The following ADAMTSL1 variants were observed in gnomAD, a reference collection of about 807,000 sequenced individuals.
The protein encoded by ADAMTSL1 is ADAMTS-like protein 1.
Under a neutral mutation model 201.8 loss-of-function variants are expected in ADAMTSL1, and 126 were observed. The ratio of observed to expected loss-of-function variants is 0.62; its 90% CI spans 0.54 to 0.72. ADAMTSL1 has a LOEUF of 0.72. Among genes scored for constraint, ADAMTSL1 ranks in the 30% least tolerant of loss-of-function variants. The pLI is 0.00. For synonymous variants in ADAMTSL1, 1,121 were observed against 903.4 expected, an observed-to-expected ratio of 1.24 and a Z score of -4.32; for missense variants, 2,679 against 2,277.8, an observed-to-expected ratio of 1.18 and a Z score of -3.59.
intron 3 of ADAMTSL1, among the ~76,000 whole-genome samples, chr9:18,550,703 C>G (rs887376859): frequency 6.6e-6 from 1 of 151,910 alleles, no homozygotes; most frequent in African/African-American, 2.4e-5. Flanking sequence ...GGTGTCTGTA[C>G]ACAGAATCAT....
chr9:18,043,068 A>C (rs1821498331), intron 1 of ADAMTSL1, among the ~76,000 whole-genome samples: 1 of 152,178 alleles, frequency 6.6e-6, no homozygotes, highest in South Asian at 2.1e-4. Context: ...ACACGCTAGA[A>C]AACTAAGAGG....
At chr9:18,574,989 A>C (rs988617996) in intron 4 of ADAMTSL1, among the ~76,000 whole-genome samples, 3 of 152,088 alleles carry the variant, frequency 2.0e-5, no homozygotes, top group Non-Finnish European at 4.4e-5. Context: ...AGCAGTTGCT[A>C]TTGTTTTTCT....
intron 2 of ADAMTSL1, among the ~76,000 whole-genome samples, chr9:18,169,960 T>C (rs953084510): frequency 5.9e-5 from 9 of 152,084 alleles, no homozygotes; most frequent in Non-Finnish European, 1.3e-4. Flanking sequence ...ACCAAAATTC[T>C]ACCTTGGGCA....
At chr9:18,597,086 G>T (rs1824313553) in intron 4 of ADAMTSL1, among the ~76,000 whole-genome samples, 1 of 152,076 alleles carries the variant, frequency 6.6e-6, no homozygotes, top group Admixed American at 6.5e-5. Context: ...ATATTATGTT[G>T]CTCAATATGA....
intron 1 of ADAMTSL1, among the ~76,000 whole-genome samples, chr9:18,007,445 A>G (rs1165079498): frequency 3.9e-5 from 6 of 152,038 alleles, no homozygotes; most frequent in Non-Finnish European, 7.4e-5. Flanking sequence ...CTACATAGTA[A>G]AAAGCAAAAA....
At chr9:18,291,573 T>C (rs539416197) in intron 2 of ADAMTSL1, among the ~76,000 whole-genome samples, 1 of 152,212 alleles carries the variant, frequency 6.6e-6, no homozygotes, top group South Asian at 2.1e-4. Context: ...TTATGTAGAC[T>C]CCCTTTGTCT....
At chr9:17,912,956 T>C (rs951735857) in intron 1 of ADAMTSL1, among the ~76,000 whole-genome samples, 1 of 152,196 alleles carries the variant, frequency 6.6e-6, no homozygotes, top group African/African-American at 2.4e-5. Context: ...CTTTCCCCAT[T>C]GCTTGTTTTT....
intron 2 of ADAMTSL1, among the ~76,000 whole-genome samples, chr9:18,388,238 G>C (rs1223537683): frequency 6.6e-6 from 1 of 150,722 alleles, no homozygotes; most frequent in Non-Finnish European, 1.5e-5. Context: ...TCTTATTAAT[G>C]ATTTATTTAT....
chr9:18,331,187 A>G (rs376650782), intron 2 of ADAMTSL1, among the ~76,000 whole-genome samples: 1 of 152,202 alleles, frequency 6.6e-6, no homozygotes, highest in East Asian at 1.9e-4. Context: ...TCAATAGAAC[A>G]ATATGTTCAT....
At chr9:18,123,738 C>T (rs1191805349) in intron 1 of ADAMTSL1, among the ~76,000 whole-genome samples, 5 of 152,166 alleles carry the variant, frequency 3.3e-5, no homozygotes, top group African/African-American at 9.7e-5. Flanking sequence ...CCCCAGGAAG[C>T]GTCCCTGTAG....
chr9:18,194,710 C>T (rs544487922), intron 2 of ADAMTSL1, among the ~76,000 whole-genome samples: 2 of 152,176 alleles, frequency 1.3e-5, no homozygotes, highest in Admixed American at 1.3e-4. Flanking sequence ...TGTAGAACCC[C>T]AGTGCTGGAA....
chr9:18,676,362 A>G (rs1196485697), intron 10 of ADAMTSL1, among the ~76,000 whole-genome samples: 3 of 152,090 alleles, frequency 2.0e-5, no homozygotes, highest in African/African-American at 7.2e-5. Flanking sequence ...TTAAATGTCC[A>G]CTTTTTATTT....
chr9:18,490,563 G>C (rs1234608142), intron 1 of ADAMTSL1, among the ~76,000 whole-genome samples: 1 of 152,106 alleles, frequency 6.6e-6, no homozygotes, highest in South Asian at 2.1e-4. Context: ...ACGTAGATTT[G>C]TAAATCACAT....
At chr9:18,156,876 C>T (rs982308029) in intron 1 of ADAMTSL1, among the ~76,000 whole-genome samples, 6 of 151,902 alleles carry the variant, frequency 3.9e-5, no homozygotes, top group Non-Finnish European at 2.9e-5. Flanking sequence ...CTGTTCCCTT[C>T]GTGAAAGGAA....
At chr9:18,652,393 A>C (rs1010942980) in intron 7 of ADAMTSL1, among the ~76,000 whole-genome samples, 4 of 151,914 alleles carry the variant, frequency 2.6e-5, no homozygotes, top group African/African-American at 9.7e-5. Flanking sequence ...AGGAAAAAAA[A>C]AGAAAGCCTT....
chr9:17,951,341 C>T (rs1461333093), intron 1 of ADAMTSL1, among the ~76,000 whole-genome samples: 1 of 152,108 alleles, frequency 6.6e-6, no homozygotes, highest in Non-Finnish European at 1.5e-5. Flanking sequence ...CCGGAGTGTC[C>T]ATGTAGAAGT....
chr9:18,751,862 G>A (rs1449174439), intron 15 of ADAMTSL1, among the ~76,000 whole-genome samples: 205 of 3,158 alleles, frequency 0.065, 92 homozygotes, highest in African/African-American at 0.2. Flanking sequence ...AGGCCGAGGC[G>A]GGCGGATCAC....
intron 2 of ADAMTSL1, among the ~76,000 whole-genome samples, chr9:18,517,001 C>G (rs542054367): frequency 3.9e-5 from 6 of 152,328 alleles, no homozygotes; most frequent in African/African-American, 1.4e-4. Flanking sequence ...AAATTTCTAG[C>G]TCAAGGCTTG....
chr9:18,031,617 T>C (rs1452240559), intron 1 of ADAMTSL1, among the ~76,000 whole-genome samples: 2 of 152,120 alleles, frequency 1.3e-5, no homozygotes, highest in African/African-American at 4.8e-5. Context: ...GAAGGGGAGA[T>C]GGGAGGGTGA....
Sources: allele counts gnomAD v4.1 joint callset (sites outside exome capture counted in the v4.1 genomes callset), GRCh38; gene constraint gnomAD v4.1.1; transcripts MANE v1.5; gene names NCBI Gene and HGNC (gene_info 2026-07-23, HGNC 2026-07-21).